Variants in CCSER1 observed in about 807,000 individuals in gnomAD.
CCSER1 encodes the protein serine-rich coiled-coil domain-containing protein 1.
A neutral mutation model predicts 82.0 loss-of-function variants in CCSER1; 41 were observed. The observed-to-expected ratio is 0.50, with a 90% CI of 0.39 to 0.65. The LOEUF (loss-of-function observed/expected upper bound fraction) is 0.65, where lower values mean the gene tolerates loss of function less well. Ranked by LOEUF, CCSER1 falls within the 30% of genes least tolerant of loss-of-function variation. The pLI, the probability that CCSER1 is intolerant of heterozygous loss-of-function variation, is 0.00. For missense variants in CCSER1, 1,119 were observed against 1,064.2 expected, an observed-to-expected ratio of 1.05 and a Z score of -0.72; for synonymous variants, 414 against 383.9, an observed-to-expected ratio of 1.08 and a Z score of -0.92.
At chr4:91,091,443 C>A (rs942784423) in intron 10 of CCSER1, among the ~76,000 whole-genome samples, 2 of 152,170 alleles carry the variant, frequency 1.3e-5, no homozygotes, top group African/African-American at 4.8e-5. Flanking sequence ...ATTGTCTTAA[C>A]GTGTTGTCCT....
chr4:91,307,980 CA>C (rs1420144002), intron 10 of CCSER1, among the ~76,000 whole-genome samples: 3 of 151,846 alleles, frequency 2.0e-5, no homozygotes, highest in African/African-American at 4.8e-5. Flanking sequence ...ATGCTTTAGC[CA>C]AGGATATTTT....
intron 7 of CCSER1, among the ~76,000 whole-genome samples, chr4:90,761,967 C>G (rs1487519837): frequency 6.6e-6 from 1 of 151,890 alleles, no homozygotes; most frequent in Admixed American, 6.6e-5. Context: ...TTATGATCAT[C>G]TGATTATTTT....
At chr4:90,309,876 C>T (rs1002071834) in intron 2 of CCSER1, among the ~76,000 whole-genome samples, 25 of 151,930 alleles carry the variant, frequency 1.6e-4, no homozygotes, top group African/African-American at 4.8e-4. Context: ...CTCTTAGTTA[C>T]GGTGTTTATT....
At chr4:90,887,779 G>A (rs1207385313) in intron 8 of CCSER1, among the ~76,000 whole-genome samples, 1 of 152,126 alleles carries the variant, frequency 6.6e-6, no homozygotes, top group East Asian at 1.9e-4. Flanking sequence ...CTACCTGGGA[G>A]GCTGAGGCAG....
intron 9 of CCSER1, among the ~76,000 whole-genome samples, chr4:90,990,986 G>A (rs1186243482): frequency 1.3e-5 from 2 of 151,882 alleles, no homozygotes; most frequent in African/African-American, 4.8e-5. Context: ...GCAAGGAGCT[G>A]ATAGAATCCA....
chr4:91,030,312 G>C (rs1034976819), intron 9 of CCSER1, among the ~76,000 whole-genome samples: 3 of 152,116 alleles, frequency 2.0e-5, no homozygotes, highest in Non-Finnish European at 4.4e-5. Flanking sequence ...GGCGATGATG[G>C]AAATATTCCA....
intron 8 of CCSER1, among the ~76,000 whole-genome samples, chr4:90,823,621 A>G (rs765149176): frequency 7.9e-5 from 12 of 152,096 alleles, no homozygotes; most frequent in Non-Finnish European, 1.6e-4. Context: ...TTAAGATTCA[A>G]AACAAAAGAA....
intron 1 of CCSER1, among the ~76,000 whole-genome samples, chr4:90,274,295 G>A (rs1727133639): frequency 6.6e-6 from 1 of 151,704 alleles, no homozygotes; most frequent in Non-Finnish European, 1.5e-5. Context: ...AGTCATGGTG[G>A]AAAAAAAATA....
intron 5 of CCSER1, among the ~76,000 whole-genome samples, chr4:90,602,958 A>G (rs1784209426): frequency 6.6e-6 from 1 of 152,100 alleles, no homozygotes; most frequent in Non-Finnish European, 1.5e-5. Flanking sequence ...TCTAGGGAGG[A>G]GAGAGAGACT....
At chr4:90,201,563 A>G (rs748897722) in intron 1 of CCSER1, among the ~76,000 whole-genome samples, 6 of 149,836 alleles carry the variant, frequency 4.0e-5, no homozygotes, top group Admixed American at 2.0e-4. Flanking sequence ...TTAACATAAT[A>G]TAAAATTATT....
Position 91,298,843 on chromosome 4 carries a change from G to T in CCSER1, c.2217+212849G>T, listed in dbSNP as rs559919677. Reference sequence around the variant, plus strand: ...TTTTACAAAATCCTCCACAAGTGCTGGGTAATAGCTGACTACATAGTTCCC... The same window carrying T: ...TTTTACAAAATCCTCCACAAGTGCTTGGTAATAGCTGACTACATAGTTCCC... On this transcript the variant is annotated intron_variant, in intron 10 of 10. Coordinates refer to ENST00000509176, the MANE Select transcript of CCSER1 (RefSeq NM_001145065.2). Among the ~76,000 whole-genome samples the T allele has an allele frequency of 2.2e-3, 342 of 152,004 alleles. 2 individuals are homozygous for T. Among genetic ancestry groups the T allele is most frequent in the South Asian group, 0.017 (81 of 4,824 alleles).
intron 7 of CCSER1, chr4:90,781,603 C>A (rs1278586759): frequency 2.1e-6 from 2 of 974,702 alleles, no homozygotes; most frequent in Non-Finnish European, 2.4e-6. Context: ...AGATTGAAAA[C>A]AATAAGGTGT....
intron 1 of CCSER1, among the ~76,000 whole-genome samples, chr4:90,233,987 T>G (rs1745240681): frequency 6.6e-6 from 1 of 152,180 alleles, no homozygotes; most frequent in Admixed American, 6.5e-5. Context: ...TAAAGTGTTT[T>G]AAGGTTACTT....
chr4:90,180,987 A>G (rs990859358), intron 1 of CCSER1, among the ~76,000 whole-genome samples: 3 of 152,158 alleles, frequency 2.0e-5, no homozygotes, highest in African/African-American at 7.2e-5. Flanking sequence ...TTCTTTATAT[A>G]TATATATAAT....
intron 10 of CCSER1, among the ~76,000 whole-genome samples, chr4:91,194,878 GGAA>G (rs1471101798): frequency 1.3e-5 from 2 of 152,106 alleles, no homozygotes; most frequent in Non-Finnish European, 2.9e-5. Flanking sequence ...CTTTAACAGA[GGAA>G]AATCTTTAAG....
intron 10 of CCSER1, among the ~76,000 whole-genome samples, chr4:91,169,220 AG>A (rs1017259407): frequency 2.0e-5 from 3 of 149,978 alleles, no homozygotes; most frequent in Admixed American, 6.7e-5. Flanking sequence ...AAAAAAAAAA[AG>A]ATTGGTCACT....
At chr4:90,957,637 A>AT in intron 9 of CCSER1, among the ~76,000 whole-genome samples, 1 of 127,298 alleles carries the variant, frequency 7.9e-6, no homozygotes, top group South Asian at 2.2e-4. Context: ...ATTCTATATA[A>AT]TATATAATAT....
chr4:90,794,874 G>T (rs1432539359), intron 7 of CCSER1, among the ~76,000 whole-genome samples: 2 of 152,072 alleles, frequency 1.3e-5, no homozygotes, highest in East Asian at 3.9e-4. Context: ...TCTTTGTAGA[G>T]GTCTTTCACT....
intron 3 of CCSER1, among the ~76,000 whole-genome samples, chr4:90,350,739 G>C (rs2153511721): frequency 6.6e-6 from 1 of 152,110 alleles, no homozygotes; most frequent in South Asian, 2.1e-4. Flanking sequence ...TGATTTCAAA[G>C]AGAAATTTTA....
Sources: gnomAD v4.1 joint callset for allele counts (sites outside exome capture counted in the v4.1 genomes callset) on GRCh38, gnomAD v4.1.1 for gene constraint, MANE v1.5 for transcripts, NCBI Gene and HGNC (gene_info 2026-07-23, HGNC 2026-07-21) for gene names.